Variants in NLGN4X observed in about 807,000 individuals in gnomAD.
NLGN4X encodes neuroligin 4 X-linked, also known as neuroligin-4, X-linked.
In NLGN4X, 3 loss-of-function variants were observed where a neutral mutation model predicts 40.3. The observed-to-expected ratio is 0.07, with a 90% confidence interval of 0.03 to 0.19. NLGN4X has a LOEUF of 0.19. Among genes scored for constraint, NLGN4X ranks in the 10% least tolerant of loss-of-function variants. The pLI, the probability that NLGN4X is intolerant of heterozygous loss-of-function variation, is 1.00. For synonymous variants in NLGN4X, 270 were observed against 306.8 expected, an observed-to-expected ratio of 0.88 and a Z score of 1.25; for missense variants, 382 against 708.3, an observed-to-expected ratio of 0.54 and a Z score of 5.23.
chrX:6,217,033 T>C (rs1323464186), intron 1 of NLGN4X, among the ~76,000 whole-genome samples: 6 of 111,880 alleles, frequency 5.4e-5, no homozygotes, highest in African/African-American at 1.9e-4. Flanking sequence ...CCTCCTTCCT[T>C]GGCCTCTCAA....
At chrX:5,977,695 T>C (rs944312905) in intron 3 of NLGN4X, among the ~76,000 whole-genome samples, 10 of 111,575 alleles carry the variant, frequency 9.0e-5, no homozygotes, top group African/African-American at 2.9e-4. Flanking sequence ...CATAGATTTA[T>C]GCAGCAAATA....
At chrX:5,939,042 C>G (rs1288542986) in intron 3 of NLGN4X, among the ~76,000 whole-genome samples, 1 of 109,664 alleles carries the variant, frequency 9.1e-6, no homozygotes, top group East Asian at 2.9e-4. Context: ...ATCCAGCTCA[C>G]TCATGTGGAG....
chrX:6,107,854 CA>C (rs2039064762), intron 2 of NLGN4X, among the ~76,000 whole-genome samples: 1 of 112,297 alleles, frequency 8.9e-6, no homozygotes, highest in African/African-American at 3.2e-5. Flanking sequence ...CCTCCAGCCA[CA>C]TTCATGTTGC....
chrX:6,030,135 A>T (rs775751321), intron 2 of NLGN4X, among the ~76,000 whole-genome samples: 3 of 112,118 alleles, frequency 2.7e-5, no homozygotes, highest in South Asian at 7.3e-4. Context: ...AAGAATCCAA[A>T]CTATTTAAAT....
At chrX:6,102,839 G>A (rs184879324) in intron 2 of NLGN4X, among the ~76,000 whole-genome samples, 3 of 111,100 alleles carry the variant, frequency 2.7e-5, no homozygotes, top group Admixed American at 9.6e-5. Context: ...TAGAGAGAGA[G>A]GGGTAGATAG....
intron 2 of NLGN4X, among the ~76,000 whole-genome samples, chrX:6,044,427 T>C (rs746796234): frequency 8.9e-6 from 1 of 111,945 alleles, no homozygotes; most frequent in South Asian, 3.8e-4. Context: ...CTAATATCAG[T>C]CTACCTAAGT....
chrX:6,082,634 T>C (rs1289882803), intron 2 of NLGN4X, among the ~76,000 whole-genome samples: 3 of 111,474 alleles, frequency 2.7e-5, no homozygotes, highest in African/African-American at 9.8e-5. Flanking sequence ...AAATATTATA[T>C]GAAGGAAAAT....
At chrX:6,037,558 G>A (rs2037048172) in intron 2 of NLGN4X, among the ~76,000 whole-genome samples, 1 of 110,811 alleles carries the variant, frequency 9.0e-6, no homozygotes, top group African/African-American at 3.3e-5. Flanking sequence ...GGAAATAATA[G>A]AACCAAAAAG....
intron 3 of NLGN4X, among the ~76,000 whole-genome samples, chrX:6,012,787 T>A (rs2036288233): frequency 2.7e-5 from 3 of 111,114 alleles, no homozygotes; most frequent in Admixed American, 9.6e-5. Context: ...CCACCAGAGC[T>A]GAAAAGGCAA....
At chrX:6,226,663 T>A (rs1387945841) in intron 1 of NLGN4X, 1 of 115,544 alleles carries the variant, frequency 8.7e-6, no homozygotes, top group African/African-American at 3.3e-5. Flanking sequence ...AAGAGCCAGG[T>A]CAGGTTGAGG....
At chrX:5,978,863 G>A (rs1053287223) in intron 3 of NLGN4X, among the ~76,000 whole-genome samples, 4 of 111,554 alleles carry the variant, frequency 3.6e-5, no homozygotes, top group African/African-American at 9.8e-5. Context: ...CCCAGCTACT[G>A]GGGAGGCTGA....
At chrX:5,910,524 C>T (rs1569124739) in intron 3 of NLGN4X, among the ~76,000 whole-genome samples, 1 of 111,148 alleles carries the variant, frequency 9.0e-6, no homozygotes, top group Non-Finnish European at 1.9e-5. Context: ...AAAATAACAT[C>T]AAACCAATTC....
intron 3 of NLGN4X, among the ~76,000 whole-genome samples, chrX:5,924,576 G>A (rs747252149): frequency 5.4e-5 from 6 of 111,746 alleles, no homozygotes; most frequent in Middle Eastern, 4.6e-3. Context: ...TATTTTAAAA[G>A]CATTGGGTCA....
intron 3 of NLGN4X, among the ~76,000 whole-genome samples, chrX:5,982,456 T>A (rs1241820914): frequency 1.8e-5 from 2 of 112,185 alleles, no homozygotes; most frequent in Non-Finnish European, 3.8e-5. Context: ...TGCATTATCT[T>A]TATAAACTCA....
intron 3 of NLGN4X, among the ~76,000 whole-genome samples, chrX:5,970,256 G>A (rs2147017911): frequency 9.0e-6 from 1 of 111,259 alleles, no homozygotes; most frequent in South Asian, 3.8e-4. Flanking sequence ...GTTAATGGGT[G>A]CAGCACACCA....
In NLGN4X at chrX:6,068,750, G is replaced by A. The variant is rs147936571; in HGVS notation, c.473-39318C>T. On this transcript the variant is annotated intron_variant, in intron 2 of 5. Coordinates refer to ENST00000381095, the MANE Select transcript of NLGN4X (RefSeq NM_181332.3). ...TCTGAATGGAAAATTCCATTCTGCT[G>A]ATTAAATTTCATTGAGCTAAGATCC... Among the ~76,000 whole-genome samples the A allele has an allele frequency of 5.0e-3, 562 of 111,360 alleles. 4 individuals are homozygous for A. The highest frequency in any genetic ancestry group is 0.018 in the African/African-American group (542 of 30,635).
intron 3 of NLGN4X, among the ~76,000 whole-genome samples, chrX:5,926,539 G>A (rs374111775): frequency 5.4e-5 from 6 of 110,181 alleles, no homozygotes; most frequent in African/African-American, 9.9e-5. Flanking sequence ...AAATGCGATC[G>A]TGGCCTAGTA....
intron 3 of NLGN4X, among the ~76,000 whole-genome samples, chrX:5,937,391 T>G (rs1304598958): frequency 9.0e-6 from 1 of 111,308 alleles, no homozygotes; most frequent in Non-Finnish European, 1.9e-5. Flanking sequence ...GTCTTTCATG[T>G]TGATATCTGA....
chrX:6,038,565 C>T (rs931809850), intron 2 of NLGN4X, among the ~76,000 whole-genome samples: 1 of 112,928 alleles, frequency 8.9e-6, no homozygotes, highest in African/African-American at 3.2e-5. Context: ...AATTGGTTAG[C>T]AACAGAAAAG....
Sources: allele counts gnomAD v4.1 joint callset (sites outside exome capture counted in the v4.1 genomes callset), GRCh38; gene constraint gnomAD v4.1.1; transcripts MANE v1.5; gene names NCBI Gene and HGNC (gene_info 2026-07-23, HGNC 2026-07-21).